Variants in ENO4 observed in about 807,000 individuals in gnomAD.
ENO4 encodes the protein 2-phospho-D-glycerate hydro-lyase.
A neutral mutation model predicts 63.2 loss-of-function variants in ENO4; 53 were observed. The ratio of observed to expected loss-of-function variants is 0.84; its 90% CI spans 0.67 to 1.05. The LOEUF (loss-of-function observed/expected upper bound fraction) is 1.05. ENO4 is among the 50% of genes least tolerant of loss of function. The probability of loss-of-function intolerance (pLI) is 0.00; values close to 1 mark genes in which losing one functional copy is unlikely to be tolerated. For synonymous variants in ENO4, 266 were observed against 283.8 expected (o/e 0.94, Z 0.63); for missense variants, 719 against 772.0 (o/e 0.93, Z 0.81).
At chr10:116,868,511 G>T in intron 7 of ENO4, 139 bp from the exon 8 acceptor site, 1 of 735,246 alleles carries the variant, frequency 1.4e-6, no homozygotes, top group Non-Finnish European at 2.5e-6. Context: ...ATGTGCATGA[G>T]TGCGTGTGTG....
rs1398921352 is a variant in ENO4, at chr10:116,849,686, C to T, written c.120C>T (p.Leu40=). The T allele has an allele frequency of 6.5e-7, 1 of 1,548,146 alleles. No individual in the cohort carries two copies. Among genetic ancestry groups the T allele is most frequent in the Admixed American group, 2.0e-5 (1 of 50,726 alleles). The change falls in exon 1 of 14, where the codon CTC becomes CTT. Residue 40 remains leucine (L), a synonymous_variant. Coordinates refer to ENST00000341276, the MANE Select transcript of ENO4 (RefSeq NM_001242699.2). ...TTCCGCGCAGGCTGGAAGAGCTGCT[C>T]AACTCCACCTTCTACCTCCAGCCTG... ...NDVPRRLEEL[L]NSTFYLQPAD...
intron 12 of ENO4, 75 bp from the exon 13 acceptor site, chr10:116,879,790 CCTTT>C (rs879515511): frequency 2.1e-5 from 23 of 1,108,480 alleles, no homozygotes; most frequent in Non-Finnish European, 2.7e-5. Context: ...GTGACAGTTT[CCTTT>C]GTCTTTAAAG....
chr10:116,891,291 C>T (rs1490421241), intron 10 of ENO4, among the ~76,000 whole-genome samples: 1 of 152,230 alleles, frequency 6.6e-6, no homozygotes, highest in Non-Finnish European at 1.5e-5. Context: ...ATTTCTATTT[C>T]ACTTCTGAGG....
chr10:116,908,493 AT>A (rs1410274514), intron 10 of ENO4, among the ~76,000 whole-genome samples: 1 of 152,180 alleles, frequency 6.6e-6, no homozygotes, highest in Non-Finnish European at 1.5e-5. Flanking sequence ...TACAACAACT[AT>A]TCCCATATCA....
chr10:116,875,586 C>CACACACACACACAT (rs61521681), intron 10 of ENO4, among the ~76,000 whole-genome samples: 1 of 149,634 alleles, frequency 6.7e-6, no homozygotes, highest in Non-Finnish European at 1.5e-5. Flanking sequence ...CACACACACA[C>CACACACACACACAT]ATGCACATGT....
At position 116,879,875 on chromosome 10, in the gene ENO4, G is replaced by C. The variant is rs933372874; in HGVS notation, c.1612G>C (p.Gly538Arg). 1 of 1,549,742 alleles carries C rather than the reference G, an allele frequency of 6.5e-7. No homozygotes were observed. Among genetic ancestry groups the C allele is most frequent in the Admixed American group, 2.0e-5 (1 of 50,884 alleles). The change falls in exon 13 of 14, where the codon GGG (glycine) becomes CGG (arginine). Residue 538 changes from glycine (G) to arginine (R), a missense_variant. Gly to Arg is a moderately radical substitution (Grantham distance 125). This residue lies in a region of ENO4 where 168 missense variants were observed against 163.3 expected (regional missense o/e 1.03). Coordinates refer to ENST00000341276, the MANE Select transcript of ENO4 (RefSeq NM_001242699.2). ...GTTTTTTCCCCCCTTTCAGGCTGTT[G>C]GGCTTGGTGTCCGGTTCATCAAGTT... is the stretch of plus-strand genomic sequence containing the variant. ...SDDSLVDLAV[G>R]LGVRFIKLGG...
At position 116,903,287 on chromosome 10, in the gene ENO4, C is replaced by CT. The variant is rs200983704; in HGVS notation, c.1195-8209dup. On this transcript the variant is annotated intron_variant, in intron 10 of 10. Transcript: ENST00000369207. ...GTGGCTCATGCCTGTAATCCCAGCA[C>CT]TTTGAGAGGCCGAGGCAGGCGGATC... is the stretch of plus-strand genomic sequence containing the variant. Among the ~76,000 whole-genome samples the CT allele has an allele frequency of 6.2e-3, 951 of 152,202 alleles. 12 individuals are homozygous for CT. Among genetic ancestry groups the CT allele is most frequent in the African/African-American group, 0.022 (910 of 41,514 alleles).
Position 116,876,087 on chromosome 10 carries a change from T to C in ENO4, c.1364T>C (p.Ile455Thr), listed in dbSNP as rs1223438815. 3 of 1,548,388 alleles carry C rather than the reference T, an allele frequency of 1.9e-6. No homozygotes were observed. Among genetic ancestry groups the C allele is most frequent in the Non-Finnish European group, 2.6e-6 (3 of 1,146,188 alleles). The stretch of plus-strand genomic sequence containing the variant: ...CAGGACTCTGAACAGTGGGACAGCA[T>C]CTATCACGCACTTGGTTCCAGGTGT... ...RKEDSEQWDS[I>T]YHALGSRCYI... Residue 455 changes from isoleucine (I) to threonine (T), a missense_variant, in exon 11 of 14, where the codon ATC becomes ACC. By Grantham distance (89) the Ile-to-Thr change is moderately conservative (BLOSUM62 -1). Transcript: ENST00000341276.
rs1325037246 is a variant in ENO4 at position 116,879,899 on chromosome 10, T to C, written c.1636T>C (p.Leu546=). The C allele has an allele frequency of 1.9e-6, 3 of 1,550,562 alleles. No homozygotes were observed. The highest frequency in any genetic ancestry group is 2.4e-5 in the East Asian group (1 of 40,892). The stretch of plus-strand genomic sequence containing the variant: ...TGGGCTTGGTGTCCGGTTCATCAAG[T>C]TGGGGGGTCTTTCCCGTGGTGAACG... ...AVGLGVRFIK[L]GGLSRGERVT... Residue 546 remains leucine, a synonymous_variant, in exon 13 of 14, where the codon TTG becomes CTG. Transcript: ENST00000341276.
chr10:116,853,119 C>T (rs1846135589), intron 1 of ENO4, among the ~76,000 whole-genome samples: 1 of 151,964 alleles, frequency 6.6e-6, no homozygotes, highest in Non-Finnish European at 1.5e-5. Flanking sequence ...CACGGTGAAA[C>T]CCTGTCTCTA....
At chr10:116,866,253 G>A in intron 7 of ENO4, among the ~76,000 whole-genome samples, 1 of 152,216 alleles carries the variant, frequency 6.6e-6, no homozygotes, top group East Asian at 1.9e-4. Flanking sequence ...ACGTTTGGAA[G>A]CTGCAGTGGG....
At chr10:116,903,578 T>C (rs1847837437) in intron 10 of ENO4, among the ~76,000 whole-genome samples, 1 of 152,114 alleles carries the variant, frequency 6.6e-6, no homozygotes, top group Non-Finnish European at 1.5e-5. Flanking sequence ...TCATGTTGCA[T>C]GGAGCTGTGG....
chr10:116,887,115 G>C (rs1189328845), downstream of ENO4, among the ~76,000 whole-genome samples: 1 of 152,164 alleles, frequency 6.6e-6, no homozygotes, highest in African/African-American at 2.4e-5. Flanking sequence ...CTTCAGGAGG[G>C]GGTGGTGGTA....
Position 116,858,033 on chromosome 10 carries a change from C to A in ENO4, c.486-957C>A, listed in dbSNP as rs929821309. On this transcript the variant is annotated intron_variant, in intron 3 of 13. Transcript: ENST00000341276. ...CCCCTTCATGTGCTGTTATCATTTT[C>A]TTAGTTTATTATTTTTTTCTCAAGC... Among the ~76,000 whole-genome samples, 6 of 151,648 alleles carry A rather than the reference C, an allele frequency of 4.0e-5. No individual in the cohort carries two copies. The East Asian group carries it at 1.2e-3, about 29-fold the overall frequency.
At chr10:116,875,495 C>T (rs1846803847) in intron 10 of ENO4, among the ~76,000 whole-genome samples, 1 of 151,816 alleles carries the variant, frequency 6.6e-6, no homozygotes, top group South Asian at 2.1e-4. Flanking sequence ...ACCAGGCACA[C>T]CACCACACCC....
chr10:116,904,195 T>C (rs562527898), intron 10 of ENO4, among the ~76,000 whole-genome samples: 1 of 152,208 alleles, frequency 6.6e-6, no homozygotes, highest in Non-Finnish European at 1.5e-5. Flanking sequence ...TTCAAGTACC[T>C]GAGACACCAA....
At chr10:116,861,320 G>A in intron 6 of ENO4, 130 bp downstream of exon 6, 1 of 270,692 alleles carries the variant, frequency 3.7e-6, no homozygotes, top group Non-Finnish European at 6.2e-6. Flanking sequence ...AATATTTTAG[G>A]AAATCAGAGA....
Position 116,881,734 on chromosome 10 carries a change from G to T in ENO4, c.*65G>T. On this transcript the variant is annotated 3_prime_UTR_variant, in exon 14 of 14. Coordinates refer to ENST00000341276, the MANE Select transcript of ENO4 (RefSeq NM_001242699.2). Reference sequence around the variant, plus strand: ...TAGTAGACCGGGAGGTCTGAAGTACGGCGCCGTGTCTCCACATGGAGTTTC... The same window carrying T: ...TAGTAGACCGGGAGGTCTGAAGTACTGCGCCGTGTCTCCACATGGAGTTTC... 8.0e-7 allele frequency: 1 copy of T among 1,243,940 alleles called. No homozygotes were observed. Among genetic ancestry groups the T allele is most frequent in the South Asian group, 2.6e-5 (1 of 37,836 alleles). The allele number at this position is 1,243,940 out of a possible 1,614,324, so 77.1% of individuals were successfully genotyped here. A position where few individuals can be genotyped will look rare whatever the true frequency, so the allele number is the denominator to read the frequency against.
intron 2 of ENO4, among the ~76,000 whole-genome samples, 170 bp from the exon 3 acceptor site, chr10:116,856,322 G>C (rs1371749311): frequency 1.3e-5 from 2 of 152,134 alleles, no homozygotes; most frequent in Non-Finnish European, 2.9e-5. Flanking sequence ...ATGAAGCTGA[G>C]TTCCATAGTG....
Sources: allele counts gnomAD v4.1 joint callset (sites outside exome capture counted in the v4.1 genomes callset), GRCh38; gene constraint gnomAD v4.1.1; regional missense constraint gnomAD v4.1.1; transcripts MANE v1.5; gene names NCBI Gene and HGNC (gene_info 2026-07-23, HGNC 2026-07-21).